Variants in FRMD4B observed in about 807,000 individuals in gnomAD.
The protein encoded by FRMD4B is FERM domain-containing protein 4B.
FRMD4B carries 74 observed loss-of-function variants against 141.5 expected under a neutral mutation model. The ratio of observed to expected loss-of-function variants is 0.52; its 90% confidence interval spans 0.43 to 0.63. The LOEUF (loss-of-function observed/expected upper bound fraction) is 0.63, where lower values mean the gene tolerates loss of function less well. FRMD4B is among the 30% of genes least tolerant of loss of function. FRMD4B has a pLI of 0.00. For missense variants in FRMD4B, 1,366 were observed against 1,253.4 expected (o/e 1.09, Z -1.36); for synonymous variants, 506 against 467.9 (o/e 1.08, Z -1.05).
At chr3:69,375,618 G>C (rs1703952299) in intron 1 of FRMD4B, among the ~76,000 whole-genome samples, 1 of 148,938 alleles carries the variant, frequency 6.7e-6, no homozygotes, top group South Asian at 2.2e-4. Flanking sequence ...TTGAGTGAAT[G>C]AACAAATGAA....
intron 17 of FRMD4B, among the ~76,000 whole-genome samples, chr3:69,191,536 G>A (rs181750135): frequency 1.6e-5 from 2 of 128,484 alleles, no homozygotes; most frequent in East Asian, 2.4e-4. Flanking sequence ...GTTTTGGCAT[G>A]AGGTTCTAGG....
intron 1 of FRMD4B, among the ~76,000 whole-genome samples, chr3:69,345,232 C>G (rs1203831781): frequency 2.0e-5 from 3 of 152,244 alleles, no homozygotes; most frequent in African/African-American, 7.2e-5. Context: ...CGGAGCCTCG[C>G]TCATGGCTAG....
At chr3:69,510,099 C>CT (rs1706665926) in intron 1 of FRMD4B, among the ~76,000 whole-genome samples, 2 of 152,114 alleles carry the variant, frequency 1.3e-5, no homozygotes, top group South Asian at 4.2e-4. Context: ...CCCAAGGTCT[C>CT]TGTTTCCTCC....
chr3:69,234,692 G>A (rs1005723684), intron 7 of FRMD4B, among the ~76,000 whole-genome samples: 9 of 152,020 alleles, frequency 5.9e-5, no homozygotes, highest in African/African-American at 1.9e-4. Context: ...TTGTACCCTC[G>A]TACCCTGGCC....
chr3:69,225,694 C>CAAAAAAA (rs144489759), intron 7 of FRMD4B, among the ~76,000 whole-genome samples: 7 of 23,352 alleles, frequency 3.0e-4, no homozygotes, highest in African/African-American at 1.1e-3. Flanking sequence ...GACTCCGTCT[C>CAAAAAAA]AAAAAAAAAA....
chr3:69,305,867 AC>A (rs1703022378), intron 3 of FRMD4B, among the ~76,000 whole-genome samples: 1 of 152,240 alleles, frequency 6.6e-6, no homozygotes, highest in South Asian at 2.1e-4. Context: ...AATTATGTTA[AC>A]CACAGATGCA....
At chr3:69,481,199 C>T (rs1474514579) in intron 1 of FRMD4B, among the ~76,000 whole-genome samples, 1 of 152,180 alleles carries the variant, frequency 6.6e-6, no homozygotes, top group Non-Finnish European at 1.5e-5. Context: ...TCAGCTTGCG[C>T]ACGGTGTGCT....
intron 19 of FRMD4B, among the ~76,000 whole-genome samples, chr3:69,186,744 G>A (rs1309335374): frequency 2.6e-5 from 4 of 152,156 alleles, no homozygotes; most frequent in Non-Finnish European, 5.9e-5. Flanking sequence ...TCATTAGGTT[G>A]CCCAGACTGG....
intron 19 of FRMD4B, among the ~76,000 whole-genome samples, chr3:69,184,734 T>C (rs2092746333): frequency 6.6e-6 from 1 of 152,240 alleles, no homozygotes; most frequent in Non-Finnish European, 1.5e-5. Context: ...ACTTGTCTCA[T>C]GTTATCCAAT....
At chr3:69,351,199 T>C (rs1307899646) in intron 1 of FRMD4B, among the ~76,000 whole-genome samples, 3 of 152,190 alleles carry the variant, frequency 2.0e-5, no homozygotes, top group Non-Finnish European at 4.4e-5. Context: ...TATTAATGTA[T>C]AGTTTACCTG....
intron 1 of FRMD4B, among the ~76,000 whole-genome samples, chr3:69,320,179 A>T (rs1209781556): frequency 6.6e-6 from 1 of 152,234 alleles, no homozygotes; most frequent in Non-Finnish European, 1.5e-5. Context: ...TCATGTAATA[A>T]ATACCATATT....
intron 13 of FRMD4B, 21 bp from the exon 14 acceptor site, chr3:69,196,417 A>G: frequency 6.3e-7 from 1 of 1,581,712 alleles, no homozygotes; most frequent in Non-Finnish European, 8.6e-7. Flanking sequence ...TACAACAATG[A>G]AACAGAATTA....
exon 1 of FRMD4B, chr3:69,542,256 T>C (rs1701199199): frequency 6.6e-6 from 1 of 151,898 alleles, no homozygotes; most frequent in Non-Finnish European, 1.5e-5. Context: ...GACGGCTACT[T>C]TATTGTCTCG....
chr3:69,349,091 A>C (rs1703046970), intron 1 of FRMD4B, among the ~76,000 whole-genome samples: 1 of 152,220 alleles, frequency 6.6e-6, no homozygotes. Flanking sequence ...CTCAGCCTAA[A>C]ATCTCCTTAA....
intron 11 of FRMD4B, among the ~76,000 whole-genome samples, chr3:69,203,873 A>G (rs1389776036): frequency 6.6e-6 from 1 of 152,204 alleles, no homozygotes; most frequent in Non-Finnish European, 1.5e-5. Flanking sequence ...AACAAAAGCA[A>G]AAACTGCTCT....
intron 22 of FRMD4B, among the ~76,000 whole-genome samples, chr3:69,174,244 T>C (rs2092620209): frequency 6.6e-6 from 1 of 151,946 alleles, no homozygotes; most frequent in Non-Finnish European, 1.5e-5. Context: ...CTACGTAAAG[T>C]AGGGTATATT....
At chr3:69,503,035 A>G (rs1481122449) in intron 1 of FRMD4B, among the ~76,000 whole-genome samples, 1 of 152,216 alleles carries the variant, frequency 6.6e-6, no homozygotes, top group Non-Finnish European at 1.5e-5. Flanking sequence ...TCAGGAAACA[A>G]CAGATGCTGG....
At chr3:69,445,757 C>T (rs1028030509) in intron 1 of FRMD4B, among the ~76,000 whole-genome samples, 1 of 152,256 alleles carries the variant, frequency 6.6e-6, no homozygotes, top group Admixed American at 6.5e-5. Flanking sequence ...TCTCATAATT[C>T]GAATTCAACT....
intron 2 of FRMD4B, among the ~76,000 whole-genome samples, chr3:69,406,345 C>T (rs2106766140): frequency 6.6e-6 from 1 of 152,312 alleles, no homozygotes; most frequent in South Asian, 2.1e-4. Context: ...TGTCAAGATG[C>T]CAACTGTGCA....
Sources: allele counts gnomAD v4.1 joint callset (sites outside exome capture counted in the v4.1 genomes callset), GRCh38; gene constraint gnomAD v4.1.1; transcripts MANE v1.5; gene names NCBI Gene and HGNC (gene_info 2026-07-23, HGNC 2026-07-21).